Variants in THOC1 observed in about 807,000 individuals in gnomAD.
The protein encoded by THOC1 is THO complex subunit 1, also known as THO complex 1.
Under a neutral mutation model 97.3 loss-of-function variants are expected in THOC1, and 29 were observed. The ratio of observed to expected loss-of-function variants is 0.30; its 90% CI spans 0.22 to 0.41. The LOEUF (loss-of-function observed/expected upper bound fraction) is 0.41, where lower values mean the gene tolerates loss of function less well. THOC1 is among the 10% of genes least tolerant of loss of function. THOC1 has a pLI of 1.00. For missense variants in THOC1, 529 were observed against 761.9 expected, an observed-to-expected ratio of 0.69 and a Z score of 3.60; for synonymous variants, 255 against 257.0, an observed-to-expected ratio of 0.99 and a Z score of 0.07.
At chr18:252,279 T>C (rs985865089) in intron 9 of THOC1, among the ~76,000 whole-genome samples, 4 of 152,204 alleles carry the variant, frequency 2.6e-5, no homozygotes, top group African/African-American at 9.6e-5. Context: ...TAAGGCTGCC[T>C]GTGGTTGGCT....
At chr18:240,343 T>C (rs1911854937) in intron 11 of THOC1, among the ~76,000 whole-genome samples, 2 of 152,236 alleles carry the variant, frequency 1.3e-5, no homozygotes, top group Non-Finnish European at 2.9e-5. Flanking sequence ...CTTATCTTGC[T>C]TGTATAACCA....
rs1278438558 is a variant in THOC1 at position 214,527 on chromosome 18, A to T, written c.*99T>A. 8 of 919,486 alleles carry T rather than the reference A, an allele frequency of 8.7e-6. No individual in the cohort carries two copies. In the Admixed American group the frequency reaches 1.3e-4, roughly 15 times the overall value. 57.0% of individuals were successfully genotyped at this position (919,486 alleles called of 1,614,324 possible). ...CAGCCGACTGTACAACAATTGTTAT[A>T]AAAATGTTTATTGTTTACCAAAACC... On this transcript the variant is annotated 3_prime_UTR_variant, in exon 21 of 21. Coordinates refer to ENST00000261600, the MANE Select transcript of THOC1 (RefSeq NM_005131.3).
intron 5 of THOC1, 116 bp from the exon 6 acceptor site, chr18:259,846 C>T (rs925131312): frequency 1.5e-6 from 1 of 656,700 alleles, no homozygotes; most frequent in African/African-American, 1.9e-5. Context: ...ATCTACTATG[C>T]CACTTTCACT....
chr18:252,645 G>A, intron 8 of THOC1, 33 bp from the exon 9 acceptor site: 10 of 1,545,562 alleles, frequency 6.5e-6, no homozygotes, highest in Non-Finnish European at 8.0e-6. Context: ...AGCCTGTCAT[G>A]AAGCAGTCAT....
At chr18:219,470 G>A (rs569083219) in intron 17 of THOC1, among the ~76,000 whole-genome samples, 12 of 149,150 alleles carry the variant, frequency 8.0e-5, no homozygotes, top group Admixed American at 2.7e-4. Context: ...AATAACCAGT[G>A]AGGATGGCAT....
chr18:243,961 T>C (rs1442266681), intron 11 of THOC1, among the ~76,000 whole-genome samples: 2 of 152,180 alleles, frequency 1.3e-5, no homozygotes, highest in Non-Finnish European at 2.9e-5. Flanking sequence ...TTTTCTGCCA[T>C]TCGCTGGATT....
At chr18:233,176 G>C (rs572833713) in intron 11 of THOC1, among the ~76,000 whole-genome samples, 7 of 152,078 alleles carry the variant, frequency 4.6e-5, no homozygotes, top group African/African-American at 1.7e-4. Context: ...TAAAAGTCTT[G>C]CTTTTCTCAT....
intron 11 of THOC1, among the ~76,000 whole-genome samples, chr18:241,087 G>T (rs1012217358): frequency 6.6e-6 from 1 of 152,110 alleles, no homozygotes; most frequent in Non-Finnish European, 1.5e-5. Context: ...TCGCTTGCTT[G>T]CCCACTGCTC....
chr18:241,634 C>T (rs1411854646), intron 11 of THOC1, among the ~76,000 whole-genome samples: 2 of 152,142 alleles, frequency 1.3e-5, no homozygotes, highest in East Asian at 3.9e-4. Flanking sequence ...CTGGGTAACC[C>T]TAAAGCCTAT....
At chr18:252,402 T>C in intron 9 of THOC1, 137 bp downstream of exon 9, 1 of 676,934 alleles carries the variant, frequency 1.5e-6, no homozygotes, top group South Asian at 1.8e-5. Flanking sequence ...TATTAAGTAA[T>C]ATACATGAAA....
intron 11 of THOC1, among the ~76,000 whole-genome samples, chr18:229,211 A>G (rs1214743841): frequency 3.9e-5 from 6 of 152,140 alleles, no homozygotes; most frequent in African/African-American, 1.4e-4. Flanking sequence ...TGTATCTACA[A>G]CCTATTCTTT....
intron 9 of THOC1, among the ~76,000 whole-genome samples, chr18:250,692 C>T (rs1053144994): frequency 1.3e-5 from 2 of 152,216 alleles, no homozygotes; most frequent in African/African-American, 4.8e-5. Context: ...CTGGTGATAA[C>T]AGCTGTCACA....
Position 258,258 on chromosome 18 carries a change from G to C in THOC1, c.520+922C>G, listed in dbSNP as rs534250837. On this transcript the variant is annotated intron_variant, in intron 7 of 20. Coordinates refer to ENST00000261600, the MANE Select transcript of THOC1 (RefSeq NM_005131.3). ...CCAATCTAGAATCTTATACCTATTG[G>C]GAGGAGGTCAAAATACCAATATTAA... Among the ~76,000 whole-genome samples the C allele has an allele frequency of 1.3e-5, 2 of 152,002 alleles. 1 individual carries two copies. The highest frequency in any genetic ancestry group is 4.8e-5 in the African/African-American group (2 of 41,456).
At chr18:251,003 A>C (rs1912259908) in intron 9 of THOC1, among the ~76,000 whole-genome samples, 1 of 152,208 alleles carries the variant, frequency 6.6e-6, no homozygotes, top group African/African-American at 2.4e-5. Context: ...GTCTCTAAAA[A>C]AAAATAATAA....
At position 254,419 on chromosome 18, in the gene THOC1, T is replaced by C. The variant is rs1235337834; in HGVS notation, c.521-64A>G. 5 of 1,006,694 alleles carry C rather than the reference T, an allele frequency of 5.0e-6. No homozygotes were observed. The highest frequency in any genetic ancestry group is 7.5e-6 in the Non-Finnish European group (5 of 665,012). The allele number at this position is 1,006,694 out of a possible 1,614,324, so 62.4% of individuals were successfully genotyped here. A position where few individuals can be genotyped will look rare whatever the true frequency, so the allele number is the denominator to read the frequency against. ...GTGACACCTAAACTTATGTATAACTTGTGTCATAATCAAAACTACAAAATG... is the reference window on the plus strand; with the variant it reads ...GTGACACCTAAACTTATGTATAACTCGTGTCATAATCAAAACTACAAAATG... On this transcript the variant is annotated intron_variant, in intron 7 of 20. Transcript: ENST00000261600. The surrounding 1 kb of genome is among the most constrained non-coding windows in gnomAD (Gnocchi z 4.1).
intron 18 of THOC1, 23 bp downstream of exon 18, chr18:218,860 AAGG>A: frequency 6.5e-7 from 1 of 1,550,092 alleles, no homozygotes; most frequent in Non-Finnish European, 8.8e-7. Context: ...AGAAAATTAA[AAGG>A]AGCTAATGAG....
chr18:224,783 C>A, intron 15 of THOC1, 141 bp downstream of exon 15: 1 of 698,228 alleles, frequency 1.4e-6, no homozygotes, highest in Non-Finnish European at 2.4e-6. Flanking sequence ...TGTACTCTTA[C>A]AAAGTTCAAC....
At chr18:227,165 G>A (rs1403519067) in intron 11 of THOC1, among the ~76,000 whole-genome samples, 2 of 152,020 alleles carry the variant, frequency 1.3e-5, no homozygotes, top group Admixed American at 6.6e-5. Flanking sequence ...CAGACATGAG[G>A]ATAAAATAAA....
intron 7 of THOC1, among the ~76,000 whole-genome samples, chr18:258,969 C>G (rs1000363292): frequency 3.3e-5 from 5 of 152,070 alleles, no homozygotes; most frequent in African/African-American, 1.2e-4. Context: ...AAGCTTTGAA[C>G]TTAAAAGAAT....
Sources: allele counts gnomAD v4.1 joint callset (sites outside exome capture counted in the v4.1 genomes callset), GRCh38; gene constraint gnomAD v4.1.1; non-coding constraint Gnocchi (gnomAD v3.1); transcripts MANE v1.5; gene names NCBI Gene and HGNC (gene_info 2026-07-23, HGNC 2026-07-21).